The following ARHGEF10L variants were observed in gnomAD, a reference collection of about 807,000 sequenced individuals.
The protein encoded by ARHGEF10L is rho guanine nucleotide exchange factor 10-like protein.
ARHGEF10L carries 69 observed loss-of-function variants against 141.2 expected under a neutral mutation model. The ratio of observed to expected loss-of-function variants is 0.49; its 90% CI spans 0.40 to 0.60. The LOEUF (loss-of-function observed/expected upper bound fraction) is 0.60, where lower values mean the gene tolerates loss of function less well. Ranked by LOEUF, ARHGEF10L falls within the 20% of genes least tolerant of loss-of-function variation. ARHGEF10L has a pLI of 0.00. For synonymous variants in ARHGEF10L, 711 were observed against 718.5 expected (o/e 0.99, Z 0.17); for missense variants, 1,482 against 1,734.3 (o/e 0.85, Z 2.58).
At chr1:17,537,081 CAG>C (rs564035572), upstream of ARHGEF10L, among the ~76,000 whole-genome samples, 173 of 151,824 alleles carry the variant, frequency 1.1e-3, no homozygotes, top group Non-Finnish European at 2.1e-3. Context: ...TTTGTAGAGA[CAG>C]GGGTCTCCCT....
Position 17,639,866 on chromosome 1 carries a change from C to A in ARHGEF10L, c.2172-336C>A. ...GTCAGACATGTAAGGTGTCTAAGACCTGTGGACAGCTGACCGCTGACCAGG... is the reference window on the plus strand; with the variant it reads ...GTCAGACATGTAAGGTGTCTAAGACATGTGGACAGCTGACCGCTGACCAGG... On this transcript the variant is annotated intron_variant, in intron 20 of 28. Coordinates refer to ENST00000361221, the MANE Select transcript of ARHGEF10L (RefSeq NM_018125.4). The surrounding 1 kb of genome is among the most constrained non-coding windows in gnomAD (Gnocchi z 4.3). 7.2e-7 allele frequency: 1 copy of A among 1,388,082 alleles called. No individual in the cohort carries two copies. The highest frequency in any genetic ancestry group is 9.5e-7 in the Non-Finnish European group (1 of 1,052,788). The allele number at this position is 1,388,082 out of a possible 1,614,324, so 86.0% of individuals were successfully genotyped here.
At chr1:17,537,739 G>A (rs1011530663), upstream of ARHGEF10L, among the ~76,000 whole-genome samples, 6 of 151,510 alleles carry the variant, frequency 4.0e-5, no homozygotes, top group South Asian at 2.1e-4. Context: ...AAAGAAGGCC[G>A]GGCACGGTGA....
At chr1:17,689,607 C>T (rs866545081) in intron 27 of ARHGEF10L, 104 of 167,406 alleles carry the variant, frequency 6.2e-4, no homozygotes, top group Middle Eastern at 2.3e-3. Flanking sequence ...TCCCTCCCTC[C>T]CTCCTTCCTC....
chr1:17,666,884 C>T (rs2063018235), intron 26 of ARHGEF10L, among the ~76,000 whole-genome samples: 1 of 141,472 alleles, frequency 7.1e-6, no homozygotes, highest in South Asian at 2.5e-4. Flanking sequence ...CATCTCTTTC[C>T]TCCAAGGGCC....
chr1:17,622,681 G>A (rs770910004), intron 11 of ARHGEF10L, among the ~76,000 whole-genome samples: 14 of 152,190 alleles, frequency 9.2e-5, no homozygotes, highest in African/African-American at 2.2e-4. Context: ...CTTACCGCTC[G>A]TGGGCTCAGT....
At position 17,656,243 on chromosome 1, in the gene ARHGEF10L, C is replaced by CTCTGG; in HGVS notation, c.2705+142_2705+143insCTGGT. 1 of 1,088,402 alleles carries CTCTGG rather than the reference C, an allele frequency of 9.2e-7. No individual in the cohort carries two copies. Among genetic ancestry groups the CTCTGG allele is most frequent in the Non-Finnish European group, 1.3e-6 (1 of 763,550 alleles). 67.4% of individuals were successfully genotyped at this position (1,088,402 alleles called of 1,614,324 possible). ...GTCTCCAGGAAGGTGGGCACCAGAG[C>CTCTGG]TGCCCAGTGTGGGAGCCAAAGTGTC... is the stretch of plus-strand genomic sequence containing the variant. On this transcript the variant is annotated intron_variant, in intron 24 of 28. Coordinates refer to ENST00000361221, the MANE Select transcript of ARHGEF10L (RefSeq NM_018125.4). This position sits in a 1 kb window ranked among gnomAD's most constrained non-coding sequence, Gnocchi z 4.9.
At chr1:17,577,817 A>G (rs2078285993) in intron 1 of ARHGEF10L, among the ~76,000 whole-genome samples, 2 of 152,186 alleles carry the variant, frequency 1.3e-5, no homozygotes, top group African/African-American at 4.8e-5. Context: ...TGCTTCTCTG[A>G]GCCTCTGTTT....
chr1:17,667,962 G>A (rs1488984965), intron 26 of ARHGEF10L, among the ~76,000 whole-genome samples: 1 of 152,204 alleles, frequency 6.6e-6, no homozygotes, highest in Non-Finnish European at 1.5e-5. Flanking sequence ...GCTTCAGACG[G>A]GACCGTAGCT....
chr1:17,519,680 CAA>C, the ARHGEF10L span, among the ~76,000 whole-genome samples: 1 of 151,846 alleles, frequency 6.6e-6, no homozygotes, highest in East Asian at 1.9e-4. Context: ...TGCTAAAATA[CAA>C]AAATTAGCTG....
Position 17,603,686 on chromosome 1 carries a change from C to A in ARHGEF10L, c.433+95C>A. 5.2e-6 allele frequency: 6 copies of A among 1,155,432 alleles called. No individual in the cohort carries two copies. The highest frequency in any genetic ancestry group is 7.2e-6 in the Non-Finnish European group (6 of 836,660). The allele number at this position is 1,155,432 out of a possible 1,614,324, so 71.6% of individuals were successfully genotyped here. A position where few individuals can be genotyped will look rare whatever the true frequency, so the allele number is the denominator to read the frequency against. On this transcript the variant is annotated intron_variant, in intron 6 of 28. Coordinates refer to ENST00000361221, the MANE Select transcript of ARHGEF10L (RefSeq NM_018125.4). This position sits in a 1 kb window ranked among gnomAD's most constrained non-coding sequence, Gnocchi z 4.8. ...GTCTCTTTCCGTTTCCTTCTGTCCC[C>A]ACCTGGCCAAGTGCCCCTCCTTCTT...
In ARHGEF10L at chr1:17,615,944, T is replaced by A; in HGVS notation, c.727-150T>A. The A allele has an allele frequency of 1.5e-6, 1 of 663,626 alleles. No individual in the cohort carries two copies. 41.1% of individuals were successfully genotyped at this position (663,626 alleles called of 1,614,324 possible). ...CATGAACGCACCTTCTCACCCCCAC[T>A]GTCGTCCTTGGCCTTTGCTCACGGA... On this transcript the variant is annotated intron_variant, in intron 8 of 28. Coordinates refer to ENST00000361221, the MANE Select transcript of ARHGEF10L (RefSeq NM_018125.4). This position sits in a 1 kb window ranked among gnomAD's most constrained non-coding sequence, Gnocchi z 4.7.
At chr1:17,570,882 G>C (rs2077967758) in intron 1 of ARHGEF10L, among the ~76,000 whole-genome samples, 3 of 152,140 alleles carry the variant, frequency 2.0e-5, no homozygotes, top group Admixed American at 2.0e-4. Context: ...ATGACTCCAA[G>C]GTTTTGGCCT....
chr1:17,559,285 T>C (rs147525287), intron 1 of ARHGEF10L, among the ~76,000 whole-genome samples: 1 of 152,264 alleles, frequency 6.6e-6, no homozygotes, highest in East Asian at 1.9e-4. Context: ...TCCTGGTACA[T>C]GGTAAGTATC....
chr1:17,679,894 T>C lies in ARHGEF10L; in HGVS notation c.3010-7679T>C, dbSNP rs2102401652. Among the ~76,000 whole-genome samples the C allele has an allele frequency of 1.3e-5, 2 of 152,176 alleles. 1 individual carries two copies. The highest frequency in any genetic ancestry group is 4.2e-4 in the South Asian group (2 of 4,804). On this transcript the variant is annotated intron_variant, in intron 26 of 28. Coordinates refer to ENST00000361221, the MANE Select transcript of ARHGEF10L (RefSeq NM_018125.4). ...CTTGCAGGTGATCGTGGGTGATCTC[T>C]GGGCCCACGACTGTGTCTCCCAGGG...
At position 17,673,890 on chromosome 1, in the gene ARHGEF10L, G is replaced by A. The variant is rs1431026232; in HGVS notation, c.3009+9295G>A. Among the ~76,000 whole-genome samples the A allele has an allele frequency of 6.6e-6, 1 of 152,192 alleles. No homozygotes were observed. Among genetic ancestry groups the A allele is most frequent in the Non-Finnish European group, 1.5e-5 (1 of 68,046 alleles). On this transcript the variant is annotated intron_variant, in intron 26 of 28. Coordinates refer to ENST00000361221, the MANE Select transcript of ARHGEF10L (RefSeq NM_018125.4). This position sits in a 1 kb window ranked among gnomAD's most constrained non-coding sequence, Gnocchi z 4.1. ...ACCACGTGTCAGTTGTTGTGTCATTGTGGTCACAGGACTTGCTCAGGGTGA... is the reference window on the plus strand; with the variant it reads ...ACCACGTGTCAGTTGTTGTGTCATTATGGTCACAGGACTTGCTCAGGGTGA...
chr1:17,638,415 C>T (rs769291905), intron 19 of ARHGEF10L, 147 bp from the exon 20 acceptor site: 34 of 1,200,972 alleles, frequency 2.8e-5, no homozygotes, highest in Middle Eastern at 2.0e-4. Flanking sequence ...TGGCCTCCTG[C>T]GTGGGGCTAA....
chr1:17,694,462 C>T (rs1407036736), intron 27 of ARHGEF10L: 2 of 179,174 alleles, frequency 1.1e-5, no homozygotes, highest in Non-Finnish European at 2.4e-5. Flanking sequence ...AGGGGCCTGC[C>T]CCCACGCCCT....
At chr1:17,597,290 A>G (rs1233621362) in intron 4 of ARHGEF10L, among the ~76,000 whole-genome samples, 1 of 152,074 alleles carries the variant, frequency 6.6e-6, no homozygotes, top group Non-Finnish European at 1.5e-5. Context: ...TGGCTCTTTT[A>G]TGACCCGGAG....
At chr1:17,671,141 T>C (rs1281215592) in intron 26 of ARHGEF10L, among the ~76,000 whole-genome samples, 1 of 152,162 alleles carries the variant, frequency 6.6e-6, no homozygotes, top group African/African-American at 2.4e-5. Context: ...TCTCAGCCAG[T>C]TAGGGGTGAG....
Sources: gnomAD v4.1 joint callset for allele counts (sites outside exome capture counted in the v4.1 genomes callset) on GRCh38, gnomAD v4.1.1 for gene constraint, Gnocchi (gnomAD v3.1) non-coding constraint, MANE v1.5 for transcripts, NCBI Gene and HGNC (gene_info 2026-07-23, HGNC 2026-07-21) for gene names.